Variants in NUTM2G observed in about 807,000 individuals in gnomAD.
The protein encoded by NUTM2G is NUT family member 2G, also known as family with sequence similarity 22, member G.
A neutral mutation model predicts 44.3 loss-of-function variants in NUTM2G; 29 were observed. The observed-to-expected ratio is 0.66, with a 90% CI of 0.49 to 0.89. NUTM2G has a LOEUF of 0.89. Among genes scored for constraint, NUTM2G ranks in the 40% least tolerant of loss-of-function variants. The pLI is 0.00. For synonymous variants in NUTM2G, 205 were observed against 395.9 expected, an observed-to-expected ratio of 0.52 and a Z score of 5.72; for missense variants, 502 against 946.5, an observed-to-expected ratio of 0.53 and a Z score of 6.16.
At position 96,938,125 on chromosome 9, in the gene NUTM2G, G is replaced by A. The variant is rs554726145; in HGVS notation, c.1440+124G>A. On this transcript the variant is annotated intron_variant, in intron 6 of 6. Coordinates refer to ENST00000372322, the MANE Select transcript of NUTM2G (RefSeq NM_001170741.3). ...GTTCAGCTTCTTGGGGAGCCACTCC[G>A]GGGTGGGAAGATGCAGGTTCAGAGG... The A allele has an allele frequency of 2.2e-5, 20 of 895,454 alleles. No homozygotes were observed. The Admixed American group carries it at 2.5e-4, about 11-fold the overall frequency. 55.5% of individuals were successfully genotyped at this position (895,454 alleles called of 1,614,324 possible). A position where few individuals can be genotyped will look rare whatever the true frequency, so the allele number is the denominator to read the frequency against.
Position 96,931,742 on chromosome 9 carries a change from G to C in NUTM2G, c.37G>C (p.Gly13Arg), listed in dbSNP as rs201426779. 1 of 1,611,298 alleles carries C rather than the reference G, an allele frequency of 6.2e-7. No homozygotes were observed. Among genetic ancestry groups the C allele is most frequent in the East Asian group, 2.2e-5 (1 of 44,840 alleles). ...CACAGCATACCCAGTGCTGGGACCCGGCGTGACCGTGAACCCTGGCACCTC... is the reference window on the plus strand; with the variant it reads ...CACAGCATACCCAGTGCTGGGACCCCGCGTGACCGTGAACCCTGGCACCTC... Reference protein sequence around the residue: ...SNGAYPVLGPGVTVNPGTSLS... With the variant: ...SNGAYPVLGPRVTVNPGTSLS... The change falls in exon 2 of 7, where the codon GGC (glycine) becomes CGC (arginine). Residue 13 changes from glycine to arginine, a missense_variant. Coordinates refer to ENST00000372322, the MANE Select transcript of NUTM2G (RefSeq NM_001170741.3).
At chr9:96,934,618 C>T (rs1826370507) in intron 2 of NUTM2G, among the ~76,000 whole-genome samples, 2 of 151,840 alleles carry the variant, frequency 1.3e-5, no homozygotes, top group African/African-American at 4.9e-5. Context: ...GGCTGTGTCC[C>T]CAGGGGCTGC....
intron 1 of NUTM2G, among the ~76,000 whole-genome samples, chr9:96,931,074 G>A (rs1436056075): frequency 6.6e-6 from 1 of 151,756 alleles, no homozygotes; most frequent in Non-Finnish European, 1.5e-5. Context: ...TTTTAGTAGA[G>A]ATGGGGTTTC....
At chr9:96,935,676 G>C (rs1444879797) in intron 3 of NUTM2G, among the ~76,000 whole-genome samples, 18 of 152,074 alleles carry the variant, frequency 1.2e-4, no homozygotes, top group Non-Finnish European at 2.6e-4. Flanking sequence ...GCCTGGCCTG[G>C]GGCCAACCGC....
At chr9:96,929,352 T>C (rs1826170620) in intron 1 of NUTM2G, among the ~76,000 whole-genome samples, 2 of 151,898 alleles carry the variant, frequency 1.3e-5, no homozygotes, top group Admixed American at 6.6e-5. Context: ...GGGATCGTGT[T>C]GTGCTGGTGG....
In NUTM2G at chr9:96,936,418, C is replaced by T. The variant is rs1260754355; in HGVS notation, c.843-7C>T. 1.4e-5 allele frequency: 22 copies of T among 1,575,540 alleles called. No homozygotes were observed. The highest frequency in any genetic ancestry group is 1.8e-5 in the Non-Finnish European group (21 of 1,169,076). ...CTCAGCACAGCCTGGGCCTCCTTCA[C>T]CCCCAGGTTCCTGGAGTTTGAGGCT... On this transcript the variant is annotated splice_polypyrimidine_tract_variant and splice_region_variant and intron_variant, in intron 3 of 6. Transcript: ENST00000372322.
At chr9:96,940,990 T>C (rs868724915), downstream of NUTM2G, among the ~76,000 whole-genome samples, 5,001 of 141,426 alleles carry the variant, frequency 0.035, 18 homozygotes, top group East Asian at 0.23. Context: ...TGGTGGGTGA[T>C]GTGGGCAGCT....
At chr9:96,929,816 T>G (rs981616217) in intron 1 of NUTM2G, among the ~76,000 whole-genome samples, 1 of 152,070 alleles carries the variant, frequency 6.6e-6, no homozygotes, top group Non-Finnish European at 1.5e-5. Context: ...TTTGTGTTAC[T>G]GTGGAGGTGA....
rs746566639 is a variant in NUTM2G at position 96,931,967 on chromosome 9, G to C, written c.262G>C (p.Glu88Gln). 1.5e-5 allele frequency: 24 copies of C among 1,611,680 alleles called. No individual in the cohort carries two copies. ...CAACGTCTTTGTCCAGATGAGGACA[G>C]AAGTGGGGCCTGTGAAGCCCCCTCA... ...ASNVFVQMRT[E>Q]VGPVKPPQAQ... is the part of the protein sequence containing the mutation. The change falls in exon 2 of 7, where the codon GAA becomes CAA. Residue 88 changes from glutamate (E) to glutamine (Q), a missense_variant. Coordinates refer to ENST00000372322, the MANE Select transcript of NUTM2G (RefSeq NM_001170741.3).
intron 2 of NUTM2G, among the ~76,000 whole-genome samples, chr9:96,934,795 T>A: frequency 6.6e-6 from 1 of 152,204 alleles, no homozygotes. Context: ...GACACATTCA[T>A]GTCTCCCAGT....
intron 3 of NUTM2G, 136 bp downstream of exon 3, chr9:96,935,592 C>T (rs1826404304): frequency 2.6e-6 from 4 of 1,544,964 alleles, no homozygotes; most frequent in Non-Finnish European, 3.5e-6. Flanking sequence ...GGGCCCCTGG[C>T]TCCCTCAGGA....
At position 96,936,960 on chromosome 9, in the gene NUTM2G, C is replaced by T. The variant is rs904528870; in HGVS notation, c.983-104C>T. Reference sequence around the variant, plus strand: ...GCGCTGTGGTTCAGGTGGTCCTGACCCAGCTGGGACCCACTTCACATCCCC... The same window carrying T: ...GCGCTGTGGTTCAGGTGGTCCTGACTCAGCTGGGACCCACTTCACATCCCC... On this transcript the variant is annotated intron_variant, in intron 4 of 6. Coordinates refer to ENST00000372322, the MANE Select transcript of NUTM2G (RefSeq NM_001170741.3). 5.9e-6 allele frequency: 8 copies of T among 1,358,946 alleles called. No individual in the cohort carries two copies. In the African/African-American group the frequency reaches 1.2e-4, roughly 20 times the overall value. 84.2% of individuals were successfully genotyped at this position (1,358,946 alleles called of 1,614,324 possible).
chr9:96,938,131 G>T, intron 6 of NUTM2G, 130 bp downstream of exon 6: 1 of 732,996 alleles, frequency 1.4e-6, no homozygotes. Context: ...CTCCGGGGTG[G>T]GAAGATGCAG....
rs1168888338 is a variant in NUTM2G at position 96,930,872 on chromosome 9, G to GT, written c.17-810dup. Among the ~76,000 whole-genome samples the GT allele has an allele frequency of 1.4e-3, 102 of 72,722 alleles. 28 individuals are homozygous for GT. The highest frequency in any genetic ancestry group is 3.8e-3 in the East Asian group (8 of 2,098). The allele number at this position is 72,722 out of a possible 152,430, so 47.7% of individuals were successfully genotyped here. A position where few individuals can be genotyped will look rare whatever the true frequency, so the allele number is the denominator to read the frequency against. The stretch of plus-strand genomic sequence containing the variant: ...GGCTTGGGCGAGTTTCCATCCAGTG[G>GT]TTTTTTTTTTTTTTTTTTTTTTTTT... On this transcript the variant is annotated intron_variant, in intron 1 of 6. Coordinates refer to ENST00000372322, the MANE Select transcript of NUTM2G (RefSeq NM_001170741.3).
intron 2 of NUTM2G, 93 bp from the exon 3 acceptor site, chr9:96,935,235 G>A (rs1393988399): frequency 1.3e-6 from 2 of 1,561,958 alleles, no homozygotes; most frequent in Non-Finnish European, 1.7e-6. Flanking sequence ...TGGCAGGACA[G>A]GTGTGGGGAG....
intron 1 of NUTM2G, among the ~76,000 whole-genome samples, chr9:96,929,630 G>A (rs576388160): frequency 1.3e-4 from 20 of 151,910 alleles, no homozygotes; most frequent in African/African-American, 3.1e-4. Context: ...TGGCTTCTCC[G>A]TCAGTTCAGG....
Position 96,935,370 on chromosome 9 carries a change from G to A in NUTM2G, c.756G>A (p.Thr252=), listed in dbSNP as rs553941545. 27 of 1,612,060 alleles carry A rather than the reference G, an allele frequency of 1.7e-5. No homozygotes were observed. The highest frequency in any genetic ancestry group is 2.3e-4 in the Middle Eastern group (1 of 4,430). Residue 252 remains threonine, a synonymous_variant, in exon 3 of 7, where the codon ACG becomes ACA. Transcript: ENST00000372322. ...TGGCCCGGCGGAAGCCCACCATGAC[G>A]CTGGAGGAGGGACTGTGGCGGGCCA... is the stretch of plus-strand genomic sequence containing the variant. The part of the protein sequence containing the change: ...RSLARRKPTM[T]LEEGLWRAMR...
chr9:96,941,017 A>G (rs1826578537), downstream of NUTM2G, among the ~76,000 whole-genome samples: 1 of 150,490 alleles, frequency 6.6e-6, no homozygotes, highest in Non-Finnish European at 1.5e-5. Flanking sequence ...ACTCCTCTAC[A>G]TTCAGGGCCA....
At chr9:96,930,871 G>GTTTTTTTTTTTT (rs1310362219) in intron 1 of NUTM2G, among the ~76,000 whole-genome samples, 1 of 104,404 alleles carries the variant, frequency 9.6e-6, no homozygotes, top group African/African-American at 3.7e-5. Flanking sequence ...TCCATCCAGT[G>GTTTTTTTTTTTT]GTTTTTTTTT....
Sources: allele counts gnomAD v4.1 joint callset (sites outside exome capture counted in the v4.1 genomes callset), GRCh38; gene constraint gnomAD v4.1.1; transcripts MANE v1.5; gene names NCBI Gene and HGNC (gene_info 2026-07-23, HGNC 2026-07-21).